The following FRMD4A variants were observed in gnomAD, a reference collection of about 807,000 sequenced individuals.
FRMD4A encodes the protein FERM domain-containing protein 4A.
FRMD4A carries 29 observed loss-of-function variants against 129.1 expected under a neutral mutation model. That is an observed-to-expected ratio of 0.22 (90% confidence interval 0.17 to 0.31). The LOEUF (loss-of-function observed/expected upper bound fraction) is 0.31, where lower values mean the gene tolerates loss of function less well. Among genes scored for constraint, FRMD4A ranks in the 10% least tolerant of loss-of-function variants. The pLI, the probability that FRMD4A is intolerant of heterozygous loss-of-function variation, is 1.00. For synonymous variants in FRMD4A, 634 were observed against 571.6 expected, an observed-to-expected ratio of 1.11 and a Z score of -1.56; for missense variants, 1,272 against 1,375.8, an observed-to-expected ratio of 0.92 and a Z score of 1.19.
chr10:13,895,353 A>G (rs904975372), intron 2 of FRMD4A, among the ~76,000 whole-genome samples: 1 of 152,192 alleles, frequency 6.6e-6, no homozygotes, highest in Middle Eastern at 3.4e-3. Flanking sequence ...GTTTCTTCCT[A>G]TGTTAGTTTG....
chr10:13,700,328 C>T (rs536492837), intron 14 of FRMD4A, among the ~76,000 whole-genome samples: 1 of 152,098 alleles, frequency 6.6e-6, no homozygotes, highest in African/African-American at 2.4e-5. Context: ...AAAGAGAAAC[C>T]CCTTAAAATA....
At chr10:13,905,715 AAC>A (rs2094875060) in intron 2 of FRMD4A, among the ~76,000 whole-genome samples, 1 of 152,192 alleles carries the variant, frequency 6.6e-6, no homozygotes, top group African/African-American at 2.4e-5. Context: ...GAGGCTCAGA[AAC>A]ACTAAGTAAC....
intron 2 of FRMD4A, among the ~76,000 whole-genome samples, chr10:14,029,937 A>G (rs1215574130): frequency 6.6e-6 from 1 of 152,150 alleles, no homozygotes; most frequent in African/African-American, 2.4e-5. Context: ...AACACCATTT[A>G]TTGAAGAGAT....
At chr10:14,270,633 A>G (rs1845132252) in intron 2 of FRMD4A, among the ~76,000 whole-genome samples, 1 of 152,210 alleles carries the variant, frequency 6.6e-6, no homozygotes, top group Admixed American at 6.5e-5. Flanking sequence ...GCTGCTCATG[A>G]TAGGTGCCAT....
chr10:14,119,126 C>T (rs1838357498), intron 2 of FRMD4A, among the ~76,000 whole-genome samples: 1 of 152,128 alleles, frequency 6.6e-6, no homozygotes, highest in Non-Finnish European at 1.5e-5. Flanking sequence ...CCTGAAAGCA[C>T]TCAGGGCAGG....
chr10:13,983,596 G>T (rs2095569917), intron 2 of FRMD4A, among the ~76,000 whole-genome samples: 1 of 152,090 alleles, frequency 6.6e-6, no homozygotes, highest in Admixed American at 6.6e-5. Flanking sequence ...ATTGGTTTGA[G>T]GTATTGGTTA....
chr10:14,075,291 G>T (rs1835521764), intron 2 of FRMD4A, among the ~76,000 whole-genome samples: 1 of 152,136 alleles, frequency 6.6e-6, no homozygotes. Flanking sequence ...GAAAGGGGAG[G>T]ACATATTATT....
chr10:14,076,885 G>A lies in FRMD4A; in HGVS notation c.46-217973C>T, dbSNP rs1835642154. On this transcript the variant is annotated intron_variant, in intron 2 of 24. Coordinates refer to ENST00000357447, the MANE Select transcript of FRMD4A (RefSeq NM_018027.5). ...GAGATGTGGTCCTTGTCCTCAATAA[G>A]CACACAAGTCAGGGAGTTGGAGGGG... Among the ~76,000 whole-genome samples, 2 of 152,180 alleles carry A rather than the reference G, an allele frequency of 1.3e-5. 1 individual carries two copies. Among genetic ancestry groups the A allele is most frequent in the South Asian group, 4.1e-4 (2 of 4,828 alleles).
intron 2 of FRMD4A, among the ~76,000 whole-genome samples, chr10:13,917,650 A>C (rs2095025040): frequency 6.6e-6 from 1 of 152,132 alleles, no homozygotes; most frequent in South Asian, 2.1e-4. Flanking sequence ...GGGGTAAACA[A>C]ACAAATCAAG....
At chr10:13,925,394 G>C (rs1406464) in intron 2 of FRMD4A, among the ~76,000 whole-genome samples, 36,856 of 151,766 alleles carry the variant, frequency 0.24, 4,662 homozygotes, top group East Asian at 0.28. Context: ...CCTCCTGAAT[G>C]TGATCGCTTT....
At chr10:13,707,616 G>C (rs988013266) in intron 12 of FRMD4A, 1 of 988,614 alleles carries the variant, frequency 1.0e-6, no homozygotes, top group Non-Finnish European at 1.2e-6. Flanking sequence ...CAAATTCCCA[G>C]CCTCCCATCG....
intron 2 of FRMD4A, among the ~76,000 whole-genome samples, chr10:13,975,423 G>C (rs1404944021): frequency 6.6e-6 from 1 of 151,858 alleles, no homozygotes; most frequent in Non-Finnish European, 1.5e-5. Flanking sequence ...ATATGTGTCT[G>C]TGCGTATGTG....
chr10:14,016,557 A>G (rs1014736379), intron 2 of FRMD4A, among the ~76,000 whole-genome samples: 19 of 152,312 alleles, frequency 1.2e-4, no homozygotes, highest in African/African-American at 4.3e-4. Flanking sequence ...CGGCTTAGCC[A>G]CCTATTTTGA....
In FRMD4A at chr10:14,290,663, T is replaced by C. The variant is rs146864092; in HGVS notation, c.45+39395A>G. Among the ~76,000 whole-genome samples the C allele has an allele frequency of 1.7e-3, 260 of 152,106 alleles. 1 individual carries two copies. The Middle Eastern group carries it at 0.024, about 14-fold the overall frequency. Reference sequence around the variant, plus strand: ...AAACACAAGGAACAGCATCATGAGATTGGGCTTGGCAATAATTTCTTGGAT... The same window carrying C: ...AAACACAAGGAACAGCATCATGAGACTGGGCTTGGCAATAATTTCTTGGAT... On this transcript the variant is annotated intron_variant, in intron 2 of 24. Transcript: ENST00000357447.
chr10:14,314,456 C>T (rs1846663445), intron 2 of FRMD4A, among the ~76,000 whole-genome samples: 1 of 152,150 alleles, frequency 6.6e-6, no homozygotes, highest in African/African-American at 2.4e-5. Flanking sequence ...AGCTAACCTG[C>T]CCTATTTTGG....
At chr10:14,143,494 T>C (rs1839935196) in intron 2 of FRMD4A, among the ~76,000 whole-genome samples, 1 of 152,254 alleles carries the variant, frequency 6.6e-6, no homozygotes, top group South Asian at 2.1e-4. Context: ...TCTTATTTAA[T>C]AGGGACAGAG....
intron 15 of FRMD4A, among the ~76,000 whole-genome samples, chr10:13,682,748 T>C (rs1368604012): frequency 1.3e-5 from 2 of 152,118 alleles, no homozygotes; most frequent in Non-Finnish European, 2.9e-5. Context: ...GACCCTGTGA[T>C]CCACCTGCCT....
At chr10:13,972,793 GCCACGA>G (rs2095525552) in intron 2 of FRMD4A, among the ~76,000 whole-genome samples, 1 of 152,166 alleles carries the variant, frequency 6.6e-6, no homozygotes, top group African/African-American at 2.4e-5. Context: ...GGAGAATGCA[GCCACGA>G]CCTAGCTGTA....
intron 2 of FRMD4A, among the ~76,000 whole-genome samples, chr10:14,213,321 T>C (rs1842982016): frequency 6.6e-6 from 1 of 152,186 alleles, no homozygotes; most frequent in Non-Finnish European, 1.5e-5. Flanking sequence ...TGAATATTTA[T>C]TCCACATGTA....
Sources: allele counts gnomAD v4.1 joint callset (sites outside exome capture counted in the v4.1 genomes callset), GRCh38; gene constraint gnomAD v4.1.1; transcripts MANE v1.5; gene names NCBI Gene and HGNC (gene_info 2026-07-23, HGNC 2026-07-21).